CNTNAP2: variants seen among roughly 807,000 people sequenced by gnomAD.
CNTNAP2 encodes the protein contactin associated protein 2.
In CNTNAP2, 98 loss-of-function variants were observed where a neutral mutation model predicts 155.2. The observed-to-expected ratio is 0.63, with a 90% CI of 0.54 to 0.75. The LOEUF is 0.75. Ranked by LOEUF, CNTNAP2 falls within the 30% of genes least tolerant of loss-of-function variation. The pLI, the probability that CNTNAP2 is intolerant of heterozygous loss-of-function variation, is 0.00. For missense variants in CNTNAP2, 1,727 were observed against 1,688.1 expected (o/e 1.02, Z -0.40); for synonymous variants, 651 against 631.2 (o/e 1.03, Z -0.47).
At chr7:146,327,456 T>C (rs941937648) in intron 1 of CNTNAP2, among the ~76,000 whole-genome samples, 2 of 152,222 alleles carry the variant, frequency 1.3e-5, no homozygotes, top group East Asian at 1.9e-4. Flanking sequence ...AATTCTCTTC[T>C]GTTCATTCTG....
At chr7:148,233,383 AG>A (rs1204162353) in intron 20 of CNTNAP2, among the ~76,000 whole-genome samples, 1 of 142,020 alleles carries the variant, frequency 7.0e-6, no homozygotes, top group Non-Finnish European at 1.6e-5. Flanking sequence ...AGTCACAAAA[AG>A]TAAGTCCCCA....
At chr7:148,148,869 T>C (rs1805245066) in intron 17 of CNTNAP2, among the ~76,000 whole-genome samples, 1 of 152,266 alleles carries the variant, frequency 6.6e-6, no homozygotes, top group African/African-American at 2.4e-5. Flanking sequence ...AAAAGAGTTA[T>C]AGATTTAGAA....
chr7:147,939,640 T>C (rs1800679473), intron 14 of CNTNAP2, among the ~76,000 whole-genome samples: 1 of 152,180 alleles, frequency 6.6e-6, no homozygotes, highest in Non-Finnish European at 1.5e-5. Context: ...TGTAGAATTT[T>C]ATGGTCACAA....
Position 148,415,495 on chromosome 7 carries a change from C to T in CNTNAP2, c.3875C>T (p.Thr1292Ile). 1 of 1,614,232 alleles carries T rather than the reference C, an allele frequency of 6.2e-7. No individual in the cohort carries two copies. Among genetic ancestry groups the T allele is most frequent in the South Asian group, 1.1e-5 (1 of 91,080 alleles). ...CGGTACATGTTCCGCCACAAGGGCA[C>T]CTACCATACCAACGAAGCAAAGGGG... ...LIRYMFRHKG[T>I]YHTNEAKGAE... The change falls in exon 24 of 24, where the codon ACC becomes ATC. Residue 1292 changes from threonine (T) to isoleucine (I), a missense_variant. Physicochemically the swap from Thr to Ile is moderately conservative, Grantham distance 89. Coordinates refer to ENST00000361727, the MANE Select transcript of CNTNAP2 (RefSeq NM_014141.6).
chr7:147,249,402 C>T (rs1027635955), intron 8 of CNTNAP2, among the ~76,000 whole-genome samples: 5 of 151,862 alleles, frequency 3.3e-5, no homozygotes, highest in Non-Finnish European at 5.9e-5. Flanking sequence ...TCTATTCCCC[C>T]GAAAGACATT....
chr7:147,437,542 C>T lies in CNTNAP2; in HGVS notation c.1670+41762C>T, dbSNP rs80042533. 9.8e-3 allele frequency among the ~76,000 whole-genome samples: 1,490 copies of T among 152,158 alleles called. 5 individuals are homozygous for T. The highest frequency in any genetic ancestry group is 0.015 in the Non-Finnish European group (1,015 of 67,970). ...TAAATTTGTTTTTGGTTTCTGAATTCTATTCCATTGATCTGTTTGTCCACT... is the reference window on the plus strand; with the variant it reads ...TAAATTTGTTTTTGGTTTCTGAATTTTATTCCATTGATCTGTTTGTCCACT... On this transcript the variant is annotated intron_variant, in intron 10 of 23. Coordinates refer to ENST00000361727, the MANE Select transcript of CNTNAP2 (RefSeq NM_014141.6).
chr7:146,357,709 A>G (rs772464012), intron 1 of CNTNAP2, among the ~76,000 whole-genome samples: 3 of 152,188 alleles, frequency 2.0e-5, no homozygotes, highest in Non-Finnish European at 4.4e-5. Flanking sequence ...ATAATATGTT[A>G]TATCTTATAG....
At chr7:146,761,453 C>T (rs1400077704) in intron 1 of CNTNAP2, among the ~76,000 whole-genome samples, 1 of 152,034 alleles carries the variant, frequency 6.6e-6, no homozygotes. Context: ...GATCATTTAT[C>T]CAAGAGAAAA....
chr7:147,991,979 GCTT>G (rs1801717615), intron 15 of CNTNAP2, among the ~76,000 whole-genome samples: 2 of 150,812 alleles, frequency 1.3e-5, no homozygotes, highest in Non-Finnish European at 2.9e-5. Context: ...TTAAACATAA[GCTT>G]CTTCTTGAAG....
intron 1 of CNTNAP2, among the ~76,000 whole-genome samples, chr7:146,604,942 G>C (rs1391352321): frequency 1.0e-5 from 1 of 99,046 alleles, no homozygotes; most frequent in African/African-American, 3.8e-5. Flanking sequence ...GGGGAGGGGG[G>C]AGGGATAGCA....
intron 1 of CNTNAP2, among the ~76,000 whole-genome samples, chr7:146,733,346 G>A (rs1008240397): frequency 3.3e-5 from 5 of 152,022 alleles, no homozygotes; most frequent in African/African-American, 1.2e-4. Flanking sequence ...ATTTGGGGAT[G>A]AAGCATTATT....
chr7:146,970,853 C>A (rs1261935616), intron 3 of CNTNAP2, among the ~76,000 whole-genome samples: 1 of 152,068 alleles, frequency 6.6e-6, no homozygotes, highest in Admixed American at 6.6e-5. Flanking sequence ...AAATGTGGCA[C>A]ATATACACCA....
rs188085596 is a variant in CNTNAP2 at position 147,923,048 on chromosome 7, G to T, written c.2255+19327G>T. On this transcript the variant is annotated intron_variant, in intron 14 of 23. Coordinates refer to ENST00000361727, the MANE Select transcript of CNTNAP2 (RefSeq NM_014141.6). ...ACCAAAACATGGAAAATGAGGTCAGGAATTTGATAAGTGTCCAATATAATG... is the reference window on the plus strand; with the variant it reads ...ACCAAAACATGGAAAATGAGGTCAGTAATTTGATAAGTGTCCAATATAATG... 1.8e-3 allele frequency among the ~76,000 whole-genome samples: 275 copies of T among 149,736 alleles called. 1 individual carries two copies. The highest frequency in any genetic ancestry group is 6.5e-3 in the African/African-American group (267 of 40,982).
At chr7:148,024,209 G>A (rs895273857) in intron 15 of CNTNAP2, among the ~76,000 whole-genome samples, 2 of 146,522 alleles carry the variant, frequency 1.4e-5, no homozygotes, top group Non-Finnish European at 3.0e-5. Context: ...TTAATCCTTG[G>A]AGAGCTGGCT....
At chr7:146,653,041 A>G (rs756496215) in intron 1 of CNTNAP2, among the ~76,000 whole-genome samples, 1 of 152,202 alleles carries the variant, frequency 6.6e-6, no homozygotes, top group Non-Finnish European at 1.5e-5. Flanking sequence ...ATTACAAGGC[A>G]TACTGTGACT....
chr7:146,133,848 G>A (rs1295537442), intron 1 of CNTNAP2, among the ~76,000 whole-genome samples: 2 of 152,112 alleles, frequency 1.3e-5, no homozygotes, highest in Non-Finnish European at 2.9e-5. Flanking sequence ...CAGGTAGTGT[G>A]ATGCCTCCAG....
At chr7:146,699,576 G>A (rs1343584343) in intron 1 of CNTNAP2, among the ~76,000 whole-genome samples, 7 of 152,082 alleles carry the variant, frequency 4.6e-5, no homozygotes, top group Non-Finnish European at 1.0e-4. Flanking sequence ...GCTGGGGTTA[G>A]GTATTTCTCT....
chr7:146,821,532 G>T (rs1309327684), intron 2 of CNTNAP2, among the ~76,000 whole-genome samples: 1 of 152,050 alleles, frequency 6.6e-6, no homozygotes, highest in African/African-American at 2.4e-5. Context: ...GAGTGAACAG[G>T]CAACCTACGA....
At chr7:146,998,779 T>G (rs2129240427) in intron 3 of CNTNAP2, among the ~76,000 whole-genome samples, 1 of 152,140 alleles carries the variant, frequency 6.6e-6, no homozygotes, top group South Asian at 2.1e-4. Context: ...ATGACCTTTT[T>G]GTCTCTTTTC....
Sources: allele counts gnomAD v4.1 joint callset (sites outside exome capture counted in the v4.1 genomes callset), GRCh38; gene constraint gnomAD v4.1.1; transcripts MANE v1.5; gene names NCBI Gene and HGNC (gene_info 2026-07-23, HGNC 2026-07-21).